The following LACTB variants were observed in gnomAD, a reference collection of about 807,000 sequenced individuals.
The protein encoded by LACTB is lactamase beta, also known as serine beta-lactamase-like protein LACTB, mitochondrial.
In LACTB, 35 loss-of-function variants were observed where a neutral mutation model predicts 50.2. The ratio of observed to expected loss-of-function variants is 0.70; its 90% confidence interval spans 0.53 to 0.92. The LOEUF (loss-of-function observed/expected upper bound fraction) is 0.92, where lower values mean the gene tolerates loss of function less well. LACTB is among the 40% of genes least tolerant of loss of function. The pLI is 0.00. For missense variants in LACTB, 664 were observed against 691.8 expected (o/e 0.96, Z 0.45); for synonymous variants, 252 against 268.2 (o/e 0.94, Z 0.59).
chr15:63,130,154 G>A (rs989871343), intron 5 of LACTB: 3 of 152,264 alleles, frequency 2.0e-5, no homozygotes, highest in African/African-American at 4.8e-5. Flanking sequence ...TTGGAAATAA[G>A]TTGTAGACGT....
At chr15:63,123,901 C>G (rs922899609) in intron 2 of LACTB, among the ~76,000 whole-genome samples, 23 of 152,288 alleles carry the variant, frequency 1.5e-4, no homozygotes, top group African/African-American at 5.5e-4. Flanking sequence ...CACAGGGAGA[C>G]GGTTAGGCCT....
intron 2 of LACTB, among the ~76,000 whole-genome samples, chr15:63,125,519 C>G (rs149849498): frequency 1.3e-5 from 2 of 152,106 alleles, no homozygotes; most frequent in African/African-American, 4.8e-5. Flanking sequence ...TAAGTATAAT[C>G]TAATCATTAT....
intron 4 of LACTB, among the ~76,000 whole-genome samples, chr15:63,128,950 C>T (rs1186618266): frequency 6.6e-6 from 1 of 152,144 alleles, no homozygotes; most frequent in Non-Finnish European, 1.5e-5. Context: ...ACCATGTTGG[C>T]CAGGCTGGTC....
In LACTB at chr15:63,141,785, G is replaced by A; in HGVS notation, c.1624G>A (p.Asp542Asn). ...STALKIALEF[D>N]KDRSD ...CGCTTTGAAGATTGCCCTTGAATTT[G>A]ATAAAGACAGATCAGACTGATAACC... The change falls in exon 6 of 6, where the codon GAT (aspartate) becomes AAT (asparagine). Residue 542 changes from aspartate to asparagine, a missense_variant. By Grantham distance (23) the Asp-to-Asn change is conservative. Transcript: ENST00000261893. 3 of 1,612,932 alleles carry A rather than the reference G, an allele frequency of 1.9e-6. No homozygotes were observed. Among genetic ancestry groups the A allele is most frequent in the Non-Finnish European group, 1.7e-6 (2 of 1,179,160 alleles).
At chr15:63,131,093 C>G (rs1280273057) in intron 5 of LACTB, 1 of 152,242 alleles carries the variant, frequency 6.6e-6, no homozygotes, top group African/African-American at 2.4e-5. Flanking sequence ...AAGTTTGAGA[C>G]CAGCCTGGCC....
intron 4 of LACTB, among the ~76,000 whole-genome samples, chr15:63,128,641 T>C (rs895046012): frequency 2.0e-5 from 3 of 152,208 alleles, no homozygotes; most frequent in African/African-American, 2.4e-5. Context: ...CAAAATGATA[T>C]AAAGTTATTT....
At chr15:63,134,474 G>T (rs545950961) in intron 5 of LACTB, among the ~76,000 whole-genome samples, 4 of 152,232 alleles carry the variant, frequency 2.6e-5, no homozygotes, top group African/African-American at 9.6e-5. Context: ...TGGTGTCCCT[G>T]TCTGTACACC....
chr15:63,134,840 T>G (rs1000874741), intron 5 of LACTB, among the ~76,000 whole-genome samples: 1 of 114,398 alleles, frequency 8.7e-6, no homozygotes. Flanking sequence ...GTGTGTGTGT[T>G]TTCATTCAGT....
chr15:63,125,174 TA>T (rs2037033899), intron 2 of LACTB, among the ~76,000 whole-genome samples: 4 of 65,834 alleles, frequency 6.1e-5, no homozygotes, highest in Non-Finnish European at 1.4e-4. Flanking sequence ...AAATTTTATT[TA>T]TTTATTTTTT....
At chr15:63,127,942 T>C (rs1316458643) in intron 4 of LACTB, among the ~76,000 whole-genome samples, 4 of 152,232 alleles carry the variant, frequency 2.6e-5, no homozygotes, top group Non-Finnish European at 5.9e-5. Context: ...TGCAAACTTA[T>C]GGAGAAATGT....
intron 5 of LACTB, among the ~76,000 whole-genome samples, chr15:63,137,963 G>C (rs1438168809): frequency 6.6e-6 from 1 of 152,056 alleles, no homozygotes; most frequent in Non-Finnish European, 1.5e-5. Context: ...AAATTATGTT[G>C]GTTTTCAAAC....
At position 63,129,629 on chromosome 15, in the gene LACTB, C is replaced by T; in HGVS notation, c.1097C>T (p.Pro366Leu). The T allele has an allele frequency of 6.2e-7, 1 of 1,607,238 alleles. No homozygotes were observed. Among genetic ancestry groups the T allele is most frequent in the Non-Finnish European group, 8.5e-7 (1 of 1,177,086 alleles). ...MLTTVQEENEPVIYNRARFYV... is the reference protein window; with the variant it reads ...MLTTVQEENELVIYNRARFYV... ...ACGACTGTGCAGGAAGAAAACGAGC[C>T]AGTGATTTACAATAGAGCAAGGTAA... The change falls in exon 5 of 6, where the codon CCA becomes CTA. Residue 366 changes from proline (P) to leucine (L), a missense_variant. Pro to Leu is a moderately conservative substitution (Grantham distance 98, BLOSUM62 -3). Transcript: ENST00000261893.
intron 5 of LACTB, chr15:63,130,603 A>C (rs955597886): frequency 6.6e-6 from 1 of 151,944 alleles, no homozygotes; most frequent in Admixed American, 6.6e-5. Context: ...AAATTTTGCC[A>C]GTTGTTCCAA....
Position 63,122,023 on chromosome 15 carries a change from C to T in LACTB, c.152C>T (p.Ala51Val), listed in dbSNP as rs1417685394. ...VGGLGLGLGL[A>V]LGVKLAGGLR... ...GGCCTCGGGCTGGGGCTGGGGCTGG[C>T]GCTCGGGGTGAAGCTGGCAGGTGGG... The change falls in exon 1 of 6, where the codon GCG becomes GTG. Residue 51 changes from alanine to valine, a missense_variant. Ala to Val is a moderately conservative substitution (Grantham distance 64). Coordinates refer to ENST00000261893, the MANE Select transcript of LACTB (RefSeq NM_032857.5). 2 of 1,401,408 alleles carry T rather than the reference C, an allele frequency of 1.4e-6. No individual in the cohort carries two copies. Among genetic ancestry groups the T allele is most frequent in the Admixed American group, 3.3e-5 (1 of 30,398 alleles). 86.8% of individuals were successfully genotyped at this position (1,401,408 alleles called of 1,614,324 possible).
intron 2 of LACTB, among the ~76,000 whole-genome samples, chr15:63,124,984 A>G (rs1002738550): frequency 4.0e-5 from 6 of 151,476 alleles, no homozygotes; most frequent in African/African-American, 1.5e-4. Flanking sequence ...TTCATATGCC[A>G]TTTAAAGGCA....
In LACTB at chr15:63,125,631, A is replaced by G. The variant is rs374702761; in HGVS notation, c.425-1228A>G. Among the ~76,000 whole-genome samples the G allele has an allele frequency of 9.2e-5, 14 of 152,068 alleles. No homozygotes were observed. In the East Asian group the frequency reaches 2.7e-3, roughly 29 times the overall value. On this transcript the variant is annotated intron_variant, in intron 2 of 5. Transcript: ENST00000261893. ...GATATTTAAGATTATACAAATTTAT[A>G]GTCATTGTATTCCTTTTCTTTTCAG...
At chr15:63,122,974 C>T (rs563445143) in intron 2 of LACTB, among the ~76,000 whole-genome samples, 3 of 152,234 alleles carry the variant, frequency 2.0e-5, no homozygotes, top group Admixed American at 2.0e-4. Context: ...TACAGTAGTC[C>T]CTCCTTATCC....
At position 63,141,327 on chromosome 15, in the gene LACTB, T is replaced by G. The variant is rs1238624473; in HGVS notation, c.1166T>G (p.Val389Gly). Reference sequence around the variant, plus strand: ...AAACGTCTTGTCAACACACCTTACGTGGATAACTCCTATAAATGGGCTGGT... The same window carrying G: ...AAACGTCTTGTCAACACACCTTACGGGGATAACTCCTATAAATGGGCTGGT... ...KKKRLVNTPY[V>G]DNSYKWAGGG... is the part of the protein sequence containing the mutation. The change falls in exon 6 of 6, where the codon GTG becomes GGG. Residue 389 changes from valine to glycine, a missense_variant. Physicochemically the swap from Val to Gly is moderately radical, Grantham distance 109. Transcript: ENST00000261893. 3 of 1,614,098 alleles carry G rather than the reference T, an allele frequency of 1.9e-6. No homozygotes were observed.
chr15:63,128,056 G>A (rs563542572), intron 4 of LACTB, among the ~76,000 whole-genome samples: 28 of 152,216 alleles, frequency 1.8e-4, no homozygotes, highest in African/African-American at 6.0e-4. Context: ...AACTTATTTT[G>A]TGCCTTTATT....
Sources: gnomAD v4.1 joint callset for allele counts (sites outside exome capture counted in the v4.1 genomes callset) on GRCh38, gnomAD v4.1.1 for gene constraint, MANE v1.5 for transcripts, NCBI Gene and HGNC (gene_info 2026-07-23, HGNC 2026-07-21) for gene names.